NRG3: variants seen among roughly 807,000 people sequenced by gnomAD.
The protein encoded by NRG3 is pro-neuregulin-3, membrane-bound isoform.
A neutral mutation model predicts 66.9 loss-of-function variants in NRG3; 31 were observed. The ratio of observed to expected loss-of-function variants is 0.46; its 90% CI spans 0.35 to 0.63. The LOEUF (loss-of-function observed/expected upper bound fraction) is 0.63, where lower values mean the gene tolerates loss of function less well. Ranked by LOEUF, NRG3 falls within the 20% of genes least tolerant of loss-of-function variation. NRG3 has a pLI of 0.00. For synonymous variants in NRG3, 393 were observed against 359.4 expected, an observed-to-expected ratio of 1.09 and a Z score of -1.06; for missense variants, 910 against 878.9, an observed-to-expected ratio of 1.04 and a Z score of -0.45.
intron 1 of NRG3, among the ~76,000 whole-genome samples, chr10:82,141,971 C>T (rs147264390): frequency 6.6e-6 from 1 of 152,106 alleles, no homozygotes; most frequent in Admixed American, 6.6e-5. Flanking sequence ...GCCAAAGGTT[C>T]TCACATTTTA....
chr10:82,856,770 A>G (rs1225462216), intron 3 of NRG3, among the ~76,000 whole-genome samples: 1 of 150,948 alleles, frequency 6.6e-6, no homozygotes, highest in Non-Finnish European at 1.5e-5. Context: ...AAAAAAAAAA[A>G]AAAGAAAAGA....
At chr10:82,028,923 A>G (rs1336876543) in intron 1 of NRG3, among the ~76,000 whole-genome samples, 1 of 152,060 alleles carries the variant, frequency 6.6e-6, no homozygotes, top group Non-Finnish European at 1.5e-5. Context: ...TCAAAAAACT[A>G]TGTGTCCAGG....
chr10:82,464,926 A>T (rs757991670), intron 2 of NRG3, among the ~76,000 whole-genome samples: 3 of 152,178 alleles, frequency 2.0e-5, no homozygotes, highest in Non-Finnish European at 4.4e-5. Context: ...TCTCCTGGGC[A>T]AGAGGAGCTA....
chr10:82,791,223 C>T (rs566065410), intron 3 of NRG3, among the ~76,000 whole-genome samples: 16 of 151,140 alleles, frequency 1.1e-4, no homozygotes, highest in Admixed American at 3.3e-4. Context: ...ATTTAAGTAA[C>T]GTAATGTGAC....
intron 1 of NRG3, among the ~76,000 whole-genome samples, chr10:82,096,836 A>G (rs2066376531): frequency 6.6e-6 from 1 of 152,194 alleles, no homozygotes; most frequent in African/African-American, 2.4e-5. Context: ...TGAGACAGAA[A>G]AGCCTACACA....
At chr10:81,945,326 A>ACTC (rs887108735) in intron 1 of NRG3, among the ~76,000 whole-genome samples, 10 of 141,000 alleles carry the variant, frequency 7.1e-5, no homozygotes, top group African/African-American at 2.4e-4. Context: ...TCCTCCTCTT[A>ACTC]CTCCTCCTCC....
At chr10:82,140,883 A>G (rs2069725190) in intron 1 of NRG3, among the ~76,000 whole-genome samples, 1 of 152,132 alleles carries the variant, frequency 6.6e-6, no homozygotes, top group Non-Finnish European at 1.5e-5. Flanking sequence ...AAAAATATGA[A>G]ACACTGGATA....
intron 1 of NRG3, among the ~76,000 whole-genome samples, chr10:81,984,690 A>G (rs1040415797): frequency 2.0e-5 from 3 of 152,162 alleles, no homozygotes; most frequent in South Asian, 2.1e-4. Flanking sequence ...ATTATCTTCT[A>G]TGTTTCAAAG....
At chr10:82,814,326 C>T (rs1489462480) in intron 3 of NRG3, among the ~76,000 whole-genome samples, 1 of 152,154 alleles carries the variant, frequency 6.6e-6, no homozygotes, top group East Asian at 1.9e-4. Flanking sequence ...ATAAAATGAT[C>T]ATTAATTTAC....
At chr10:82,550,243 A>C (rs2044215333) in intron 2 of NRG3, among the ~76,000 whole-genome samples, 1 of 152,156 alleles carries the variant, frequency 6.6e-6, no homozygotes, top group Non-Finnish European at 1.5e-5. Flanking sequence ...ACATTTAAAA[A>C]ATTTTTCCTT....
intron 1 of NRG3, among the ~76,000 whole-genome samples, chr10:82,323,132 C>T (rs1295105335): frequency 1.3e-5 from 2 of 152,204 alleles, no homozygotes; most frequent in African/African-American, 4.8e-5. Context: ...CTTTCAGTCT[C>T]TAAATTATGA....
At chr10:82,654,357 A>T (rs17100420) in intron 2 of NRG3, among the ~76,000 whole-genome samples, 26,262 of 152,122 alleles carry the variant, frequency 0.17, 2,653 homozygotes, top group Middle Eastern at 0.29. Flanking sequence ...TTCTGAATAT[A>T]TCTTGGTGTC....
At chr10:82,592,153 A>C (rs1023872064) in intron 2 of NRG3, among the ~76,000 whole-genome samples, 1 of 152,232 alleles carries the variant, frequency 6.6e-6, no homozygotes, top group African/African-American at 2.4e-5. Flanking sequence ...TCAGTGAAAC[A>C]TAAGATTATT....
At chr10:82,416,542 C>T (rs1484965740) in intron 2 of NRG3, among the ~76,000 whole-genome samples, 1 of 152,072 alleles carries the variant, frequency 6.6e-6, no homozygotes, top group Non-Finnish European at 1.5e-5. Context: ...AGCTCAGGTC[C>T]CCTTTGGGCC....
intron 1 of NRG3, among the ~76,000 whole-genome samples, chr10:81,996,160 A>G (rs2060932055): frequency 6.6e-6 from 1 of 152,228 alleles, no homozygotes; most frequent in South Asian, 2.1e-4. Context: ...TGACAAATAG[A>G]TAATGCATCT....
Position 82,119,897 on chromosome 10 carries a change from A to G in NRG3, c.824-238842A>G, listed in dbSNP as rs554219829. On this transcript the variant is annotated intron_variant, in intron 1 of 8. Transcript: ENST00000372141. Reference sequence around the variant, plus strand: ...TTTCTGCCATCCTTGAATAGAAATGATATGGCTGGAAATTCAGGGTAATGG... The same window carrying G: ...TTTCTGCCATCCTTGAATAGAAATGGTATGGCTGGAAATTCAGGGTAATGG... Among the ~76,000 whole-genome samples the G allele has an allele frequency of 8.5e-5, 13 of 152,204 alleles. No individual in the cohort carries two copies. In the South Asian group the frequency reaches 2.7e-3, roughly 32 times the overall value.
chr10:82,277,861 C>G (rs912583596), intron 1 of NRG3, among the ~76,000 whole-genome samples: 2 of 152,082 alleles, frequency 1.3e-5, no homozygotes, highest in Non-Finnish European at 2.9e-5. Flanking sequence ...CATAGTATCC[C>G]TCTGAGGGAA....
intron 4 of NRG3, among the ~76,000 whole-genome samples, chr10:82,875,797 C>T (rs1841768743): frequency 6.6e-6 from 1 of 152,126 alleles, no homozygotes; most frequent in South Asian, 2.1e-4. Context: ...CCAAAGACTC[C>T]CAAGCCATAC....
intron 4 of NRG3, among the ~76,000 whole-genome samples, chr10:82,896,708 G>T (rs958863938): frequency 2.0e-5 from 3 of 152,172 alleles, no homozygotes; most frequent in Non-Finnish European, 4.4e-5. Flanking sequence ...TTAATATCAT[G>T]TTTATTCAAC....
Sources: gnomAD v4.1 joint callset for allele counts (sites outside exome capture counted in the v4.1 genomes callset) on GRCh38, gnomAD v4.1.1 for gene constraint, MANE v1.5 for transcripts, NCBI Gene and HGNC (gene_info 2026-07-23, HGNC 2026-07-21) for gene names.